The following ATP8A2 variants were observed in gnomAD, a reference collection of about 807,000 sequenced individuals.
ATP8A2 encodes ATPase phospholipid transporting 8A2, also known as phospholipid-transporting ATPase IB.
Under a neutral mutation model 165.6 loss-of-function variants are expected in ATP8A2, and 100 were observed. That is an observed-to-expected ratio of 0.60 (90% CI 0.51 to 0.71). The LOEUF is 0.71. Among genes scored for constraint, ATP8A2 ranks in the 30% least tolerant of loss-of-function variants. The probability of loss-of-function intolerance (pLI) is 0.00; values close to 1 mark genes in which losing one functional copy is unlikely to be tolerated. For missense variants in ATP8A2, 1,227 were observed against 1,479.5 expected, an observed-to-expected ratio of 0.83 and a Z score of 2.80; for synonymous variants, 543 against 548.8, an observed-to-expected ratio of 0.99 and a Z score of 0.15.
chr13:25,671,938 C>T (rs574134538), intron 24 of ATP8A2, among the ~76,000 whole-genome samples: 1 of 152,268 alleles, frequency 6.6e-6, no homozygotes, highest in African/African-American at 2.4e-5. Flanking sequence ...CGGGACCTAC[C>T]GACGTGTGAT....
At chr13:25,403,080 C>T (rs1316051416) in intron 1 of ATP8A2, among the ~76,000 whole-genome samples, 2 of 152,168 alleles carry the variant, frequency 1.3e-5, no homozygotes, top group East Asian at 1.9e-4. Context: ...TCCTACAGGC[C>T]CCACCTTTTA....
At chr13:25,576,987 T>A (rs775216339) in intron 19 of ATP8A2, 82 bp from the exon 20 acceptor site, 9 of 1,129,062 alleles carry the variant, frequency 8.0e-6, no homozygotes, top group African/African-American at 1.6e-5. Flanking sequence ...CCAGACCCCC[T>A]TTTGTTTTGA....
At chr13:25,796,818 GTATTA>G (rs1950507933) in intron 27 of ATP8A2, among the ~76,000 whole-genome samples, 1 of 151,988 alleles carries the variant, frequency 6.6e-6, no homozygotes, top group Admixed American at 6.6e-5. Context: ...GTAGTGGACC[GTATTA>G]TATTTTATTT....
intron 18 of ATP8A2, among the ~76,000 whole-genome samples, chr13:25,573,974 G>C (rs1566286283): frequency 6.6e-6 from 1 of 152,344 alleles, no homozygotes; most frequent in Admixed American, 6.5e-5. Flanking sequence ...AGCCCTAAGA[G>C]ATGAGTGCTT....
chr13:25,384,560 C>T (rs1027886512), intron 1 of ATP8A2, among the ~76,000 whole-genome samples: 1 of 152,144 alleles, frequency 6.6e-6, no homozygotes, highest in Non-Finnish European at 1.5e-5. Context: ...GTAATTCGCT[C>T]TTCAGCTTTG....
chr13:25,453,026 C>T (rs1182936595), intron 1 of ATP8A2, among the ~76,000 whole-genome samples: 1 of 151,864 alleles, frequency 6.6e-6, no homozygotes, highest in Non-Finnish European at 1.5e-5. Context: ...GCCCAGGAGG[C>T]AGAGGTTGCA....
At chr13:25,880,248 A>G (rs1343239064) in intron 33 of ATP8A2, among the ~76,000 whole-genome samples, 2 of 152,222 alleles carry the variant, frequency 1.3e-5, no homozygotes, top group Non-Finnish European at 2.9e-5. Flanking sequence ...CTTCCAAGAA[A>G]ATCCAGCGGC....
intron 1 of ATP8A2, among the ~76,000 whole-genome samples, chr13:25,458,033 C>T (rs2035409634): frequency 6.6e-6 from 1 of 152,188 alleles, no homozygotes; most frequent in South Asian, 2.1e-4. Flanking sequence ...GGATAATTGG[C>T]ATGAGAAACT....
chr13:25,857,546 G>GTTTCT (rs151223208), intron 30 of ATP8A2, among the ~76,000 whole-genome samples: 1,450 of 126,396 alleles, frequency 0.011, 31 homozygotes, highest in African/African-American at 0.039. Context: ...TGGCTAATAT[G>GTTTCT]TTTCTTTTCT....
chr13:25,644,956 A>G (rs2041632973), intron 24 of ATP8A2, among the ~76,000 whole-genome samples: 1 of 152,040 alleles, frequency 6.6e-6, no homozygotes. Context: ...TTATCTCTCT[A>G]GTCTAGCTAA....
chr13:25,451,978 C>G (rs2035239281), intron 1 of ATP8A2, among the ~76,000 whole-genome samples: 1 of 151,892 alleles, frequency 6.6e-6, no homozygotes, highest in East Asian at 1.9e-4. Flanking sequence ...CCTCAGCCTC[C>G]CAAGTAGCTG....
intron 25 of ATP8A2, among the ~76,000 whole-genome samples, chr13:25,723,304 G>T (rs979413228): frequency 6.6e-6 from 1 of 152,084 alleles, no homozygotes; most frequent in Non-Finnish European, 1.5e-5. Context: ...CTACATTCTT[G>T]CCAAGACTTG....
intron 33 of ATP8A2, among the ~76,000 whole-genome samples, chr13:25,913,941 C>T (rs147828097): frequency 6.6e-6 from 1 of 152,254 alleles, no homozygotes; most frequent in African/African-American, 2.4e-5. Context: ...TCCATCACTC[C>T]AGGATGTTTG....
At chr13:25,511,343 T>C (rs1817591034) in intron 2 of ATP8A2, among the ~76,000 whole-genome samples, 1 of 152,224 alleles carries the variant, frequency 6.6e-6, no homozygotes, top group African/African-American at 2.4e-5. Context: ...TTTTACCCCT[T>C]CCCCTCCACA....
chr13:25,581,315 A>T (rs909637253), intron 22 of ATP8A2, among the ~76,000 whole-genome samples: 1 of 152,166 alleles, frequency 6.6e-6, no homozygotes, highest in African/African-American at 2.4e-5. Context: ...CTTTAAGAGG[A>T]CCAAAAGGGG....
At chr13:25,783,665 A>G (rs535635881) in intron 27 of ATP8A2, among the ~76,000 whole-genome samples, 1 of 152,126 alleles carries the variant, frequency 6.6e-6, no homozygotes, top group South Asian at 2.1e-4. Flanking sequence ...GATGAGTAGC[A>G]GCTGATCAGG....
At chr13:25,450,685 C>A (rs772881511) in intron 1 of ATP8A2, among the ~76,000 whole-genome samples, 1 of 152,086 alleles carries the variant, frequency 6.6e-6, no homozygotes, top group African/African-American at 2.4e-5. Context: ...GCGCCCGCCA[C>A]CATGCCCGGC....
intron 27 of ATP8A2, among the ~76,000 whole-genome samples, chr13:25,821,555 A>G (rs542179453): frequency 3.3e-5 from 5 of 152,342 alleles, no homozygotes; most frequent in African/African-American, 1.2e-4. Flanking sequence ...TCCCATACAT[A>G]TAAGCAGAAT....
chr13:25,630,806 G>A (rs567148435), intron 24 of ATP8A2, among the ~76,000 whole-genome samples: 2 of 151,820 alleles, frequency 1.3e-5, no homozygotes, highest in South Asian at 4.2e-4. Context: ...TACTACTCTG[G>A]ACATACCAAA....
Sources: allele counts gnomAD v4.1 joint callset (sites outside exome capture counted in the v4.1 genomes callset), GRCh38; gene constraint gnomAD v4.1.1; transcripts MANE v1.5; gene names NCBI Gene and HGNC (gene_info 2026-07-23, HGNC 2026-07-21).